The following ASCC3 variants were observed in gnomAD, a reference collection of about 807,000 sequenced individuals.
ASCC3 encodes activating signal cointegrator 1 complex subunit 3, also known as ASC-1 complex subunit P200.
Under a neutral mutation model 256.3 loss-of-function variants are expected in ASCC3, and 158 were observed. The ratio of observed to expected loss-of-function variants is 0.62; its 90% CI spans 0.54 to 0.70. ASCC3 has a LOEUF of 0.70. Among genes scored for constraint, ASCC3 ranks in the 30% least tolerant of loss-of-function variants. The pLI is 0.00. For missense variants in ASCC3, 2,259 were observed against 2,626.0 expected, an observed-to-expected ratio of 0.86 and a Z score of 3.05; for synonymous variants, 948 against 883.4, an observed-to-expected ratio of 1.07 and a Z score of -1.30.
intron 10 of ASCC3, among the ~76,000 whole-genome samples, chr6:100,743,959 T>C (rs1309997509): frequency 6.6e-6 from 1 of 152,214 alleles, no homozygotes; most frequent in African/African-American, 2.4e-5. Flanking sequence ...TTTTAAACTA[T>C]TTTTAAAATT....
intron 4 of ASCC3, among the ~76,000 whole-genome samples, chr6:100,843,269 G>A (rs1247991970): frequency 6.6e-6 from 1 of 152,116 alleles, no homozygotes; most frequent in African/African-American, 2.4e-5. Flanking sequence ...TCCCTCAGAA[G>A]ACAATCTAAC....
intron 4 of ASCC3, among the ~76,000 whole-genome samples, chr6:100,843,724 G>A (rs1772257679): frequency 6.6e-6 from 1 of 151,764 alleles, no homozygotes; most frequent in African/African-American, 2.4e-5. Flanking sequence ...TTTCTTTAGG[G>A]TAGTCAGACA....
intron 10 of ASCC3, among the ~76,000 whole-genome samples, chr6:100,758,175 T>C (rs554307626): frequency 6.6e-6 from 1 of 152,320 alleles, no homozygotes; most frequent in South Asian, 2.1e-4. Flanking sequence ...AATGAGACGA[T>C]ACATATAGCA....
intron 4 of ASCC3, among the ~76,000 whole-genome samples, chr6:100,836,300 G>A (rs965631918): frequency 6.7e-6 from 1 of 150,022 alleles, no homozygotes; most frequent in East Asian, 1.9e-4. Flanking sequence ...GAATAGAAGT[G>A]GCAAAAGTGG....
At chr6:100,747,036 A>G (rs777380920) in intron 10 of ASCC3, among the ~76,000 whole-genome samples, 42 of 152,202 alleles carry the variant, frequency 2.8e-4, no homozygotes, top group Non-Finnish European at 5.9e-4. Context: ...ATTCAGTCAT[A>G]CATCTTACAG....
intron 39 of ASCC3, 84 bp downstream of exon 39, chr6:100,516,096 A>G: frequency 6.4e-7 from 1 of 1,572,756 alleles, no homozygotes; most frequent in Non-Finnish European, 8.7e-7. Flanking sequence ...GCCTGGTTCC[A>G]AAATCCATGC....
At chr6:100,646,941 C>T (rs1775410803) in intron 21 of ASCC3, among the ~76,000 whole-genome samples, 172 bp from the exon 22 acceptor site, 1 of 152,142 alleles carries the variant, frequency 6.6e-6, no homozygotes. Flanking sequence ...TAATAGTTAA[C>T]TTGAATTAGC....
intron 10 of ASCC3, among the ~76,000 whole-genome samples, chr6:100,751,269 T>G (rs73504920): frequency 9.9e-4 from 150 of 152,232 alleles, no homozygotes; most frequent in African/African-American, 3.5e-3. Context: ...TTAATGCTAG[T>G]TATAGAAAAT....
chr6:100,624,115 A>G (rs1397395502), intron 30 of ASCC3, among the ~76,000 whole-genome samples: 1 of 151,982 alleles, frequency 6.6e-6, no homozygotes, highest in East Asian at 1.9e-4. Context: ...TTAAAGTATA[A>G]TAATAAAAAA....
At chr6:100,735,721 T>G (rs747969503) in intron 10 of ASCC3, among the ~76,000 whole-genome samples, 1 of 152,102 alleles carries the variant, frequency 6.6e-6, no homozygotes, top group Non-Finnish European at 1.5e-5. Flanking sequence ...GACAATAAGA[T>G]CTCTACATAC....
chr6:100,585,747 G>C (rs570652256), intron 36 of ASCC3, among the ~76,000 whole-genome samples: 1 of 152,284 alleles, frequency 6.6e-6, no homozygotes, highest in East Asian at 1.9e-4. Flanking sequence ...GTGATGTACA[G>C]ATAGGTTTTT....
At chr6:100,540,845 T>C (rs1258492338) in intron 36 of ASCC3, among the ~76,000 whole-genome samples, 1 of 152,040 alleles carries the variant, frequency 6.6e-6, no homozygotes, top group African/African-American at 2.4e-5. Context: ...ATCTTGTGAA[T>C]GAATGGAAGA....
intron 36 of ASCC3, among the ~76,000 whole-genome samples, chr6:100,554,912 T>A (rs1228361978): frequency 6.6e-6 from 1 of 152,020 alleles, no homozygotes; most frequent in Admixed American, 6.6e-5. Context: ...TTTCTATATA[T>A]TATCAAATAT....
rs111424980 is a variant in ASCC3 at position 100,569,894 on chromosome 6, T to C, written c.5550+19740A>G. On this transcript the variant is annotated intron_variant, in intron 36 of 41. Transcript: ENST00000369162. ...GGGTCATATGGCTATTTTAATGATA[T>C]TGATTCTTGCAATCTATGAGTATGG... Among the ~76,000 whole-genome samples, 18 of 152,216 alleles carry C rather than the reference T, an allele frequency of 1.2e-4. 1 individual carries two copies. Among genetic ancestry groups the C allele is most frequent in the Admixed American group, 2.0e-4 (3 of 15,288 alleles).
chr6:100,662,401 A>G lies in ASCC3; in HGVS notation c.2422T>C (p.Cys808Arg). The change falls in exon 15 of 42, where the codon TGT becomes CGT. Residue 808 changes from cysteine to arginine, a missense_variant. This residue lies in a region of ASCC3 where 1,839 missense variants were observed against 2,206.7 expected (regional missense o/e 0.83). Transcript: ENST00000369162. ...ACACCCCAGGCTAACGTAGCTGTAC[A>G]CACTAGGACTTTGATATGCCCATTA... ...FSNGHIKVLV[C>R]TATLAWGVNL... The G allele has an allele frequency of 6.2e-7, 1 of 1,613,296 alleles. No individual in the cohort carries two copies. Among genetic ancestry groups the G allele is most frequent in the Non-Finnish European group, 8.5e-7 (1 of 1,179,468 alleles).
At chr6:100,529,142 A>ATGTG (rs146662357) in intron 37 of ASCC3, among the ~76,000 whole-genome samples, 8 of 150,506 alleles carry the variant, frequency 5.3e-5, no homozygotes, top group Admixed American at 1.3e-4. Flanking sequence ...GGAACATAAA[A>ATGTG]TGTGTGTGTG....
intron 3 of ASCC3, chr6:100,858,112 G>T: frequency 5.5e-6 from 2 of 360,984 alleles, no homozygotes; most frequent in Non-Finnish European, 7.7e-6. Flanking sequence ...TGTTTATGAT[G>T]CTTTTGTAAA....
At chr6:100,776,084 T>C (rs185816386) in intron 8 of ASCC3, among the ~76,000 whole-genome samples, 3 of 152,220 alleles carry the variant, frequency 2.0e-5, no homozygotes, top group African/African-American at 7.2e-5. Context: ...GCTAATAATA[T>C]TTATTGTTTT....
intron 10 of ASCC3, among the ~76,000 whole-genome samples, chr6:100,755,894 T>C (rs1781153778): frequency 6.6e-6 from 1 of 152,072 alleles, no homozygotes; most frequent in South Asian, 2.1e-4. Flanking sequence ...TGAAAAGAAC[T>C]TCCAAACTCT....
Sources: allele counts gnomAD v4.1 joint callset (sites outside exome capture counted in the v4.1 genomes callset), GRCh38; gene constraint gnomAD v4.1.1; regional missense constraint gnomAD v4.1.1; transcripts MANE v1.5; gene names NCBI Gene and HGNC (gene_info 2026-07-23, HGNC 2026-07-21).